The following PFN2 variants were observed in gnomAD, a reference collection of about 807,000 sequenced individuals.
PFN2 encodes profilin 2, also known as profilin-2.
PFN2 carries 8 observed loss-of-function variants against 15.3 expected under a neutral mutation model. The observed-to-expected ratio is 0.52, with a 90% CI of 0.31 to 0.95. The LOEUF (loss-of-function observed/expected upper bound fraction) is 0.95, where lower values mean the gene tolerates loss of function less well. PFN2 is among the 40% of genes least tolerant of loss of function. The pLI, the probability that PFN2 is intolerant of heterozygous loss-of-function variation, is 0.05. For synonymous variants in PFN2, 79 were observed against 67.9 expected (o/e 1.16, Z -0.81); for missense variants, 111 against 182.3 (o/e 0.61, Z 2.25).
intron 2 of PFN2, among the ~76,000 whole-genome samples, chr3:149,967,587 ACTCT>A (rs879261878): frequency 4.0e-4 from 61 of 152,260 alleles, no homozygotes; most frequent in African/African-American, 1.4e-3. Context: ...CTACAGAAGC[ACTCT>A]CTATTTACAA....
At chr3:149,966,846 G>GA (rs199588199) in intron 2 of PFN2, among the ~76,000 whole-genome samples, 271 of 138,632 alleles carry the variant, frequency 2.0e-3, no homozygotes, top group Middle Eastern at 7.6e-3. Flanking sequence ...ACTAGCTACA[G>GA]AAAAAAAAAA....
At position 149,966,341 on chromosome 3, in the gene PFN2, C is replaced by T. The variant is rs1722691837; in HGVS notation, c.*148G>A. On this transcript the variant is annotated 3_prime_UTR_variant, in exon 3 of 3. Coordinates refer to ENST00000239940, the MANE Select transcript of PFN2 (RefSeq NM_053024.4). ...GGAGGGCAGAAAGAAAGACACCTTT[C>T]CCCACCAACAGAGGGATACAAAGGA... The T allele has an allele frequency of 3.8e-6, 6 of 1,596,560 alleles. No individual in the cohort carries two copies. Among genetic ancestry groups the T allele is most frequent in the Middle Eastern group, 1.7e-4 (1 of 5,932 alleles).
At position 149,970,812 on chromosome 3, in the gene PFN2, G is replaced by A. The variant is rs763608984; in HGVS notation, c.45C>T (p.Gly15=). 33 of 1,511,922 alleles carry A rather than the reference G, an allele frequency of 2.2e-5. No homozygotes were observed. In the East Asian group the frequency reaches 7.2e-4, roughly 33 times the overall value. 93.7% of individuals were successfully genotyped at this position (1,511,922 alleles called of 1,614,324 possible). Residue 15 remains glycine (G), a synonymous_variant, in exon 1 of 3, where the codon GGC becomes GGT. Coordinates refer to ENST00000239940, the MANE Select transcript of PFN2 (RefSeq NM_053024.4). ...CGACAATGGCGGCCTCCTGGCAGCA[G>A]CCATCGCACATCAGGTTATCCACGT... is the stretch of plus-strand genomic sequence containing the variant. ...QSYVDNLMCD[G]CCQEAAIVGY...
intron 2 of PFN2, among the ~76,000 whole-genome samples, chr3:149,967,317 G>GT (rs1333329319): frequency 4.6e-5 from 7 of 152,138 alleles, no homozygotes; most frequent in African/African-American, 1.2e-4. Context: ...AAATATTCTG[G>GT]TTTTTTGTCT....
Position 149,965,209 on chromosome 3 carries a change from A to G in PFN2, c.*1280T>C, listed in dbSNP as rs1289592309. On this transcript the variant is annotated 3_prime_UTR_variant, in exon 3 of 3. Transcript: ENST00000239940. ...GTTCATTTTAACAATAGTATGGCAC[A>G]GAATACATATGAAAAAAATTCATCA... 1 of 1,527,168 alleles carries G rather than the reference A, an allele frequency of 6.5e-7. No individual in the cohort carries two copies. The highest frequency in any genetic ancestry group is 1.2e-5 in the South Asian group (1 of 82,756). The allele number at this position is 1,527,168 out of a possible 1,614,324, so 94.6% of individuals were successfully genotyped here.
Position 149,965,117 on chromosome 3 carries a change from C to A in PFN2, c.*1372G>T. ...CAATAGAAGCAAATACTAGAATGTC[C>A]CTAAAGTAGTGCCATTCGAAAGAAA... On this transcript the variant is annotated 3_prime_UTR_variant, in exon 3 of 3. Transcript: ENST00000239940. The A allele has an allele frequency of 1.2e-6, 1 of 828,274 alleles. No individual in the cohort carries two copies. The highest frequency in any genetic ancestry group is 1.8e-6 in the Non-Finnish European group (1 of 550,000). The allele number at this position is 828,274 out of a possible 1,614,324, so 51.3% of individuals were successfully genotyped here.
Position 149,966,546 on chromosome 3 carries a change from G to A in PFN2, c.366C>T (p.Gly122=), listed in dbSNP as rs771149768. 22 of 1,612,570 alleles carry A rather than the reference G, an allele frequency of 1.4e-5. No homozygotes were observed. The highest frequency in any genetic ancestry group is 1.6e-4 in the Middle Eastern group (1 of 6,080). The change falls in exon 3 of 3, where the codon GGC becomes GGT. Residue 122 remains glycine (G), a synonymous_variant. Coordinates refer to ENST00000239940, the MANE Select transcript of PFN2 (RefSeq NM_053024.4). ...TTGAGTATGCCTTCTTATTCAATCC[G>A]CCTCCATGGACCCCTTCTTTTCCCA... is the stretch of plus-strand genomic sequence containing the variant. ...FVMGKEGVHG[G]GLNKKAYSMA... is the part of the protein sequence containing the mutation.
At chr3:149,970,536 G>GCCCCGGGTGAGGGGGCGT (rs1443628774) in intron 1 of PFN2, 189 bp downstream of exon 1, 5 of 441,052 alleles carry the variant, frequency 1.1e-5, no homozygotes, top group African/African-American at 1.0e-4. Context: ...TGTCAGCGCA[G>GCCCCGGGTGAGGGGGCGT]CCCCGGGTGA....
Position 149,965,783 on chromosome 3 carries a change from G to A in PFN2, c.*706C>T, listed in dbSNP as rs1722669042. The A allele has an allele frequency of 9.4e-7, 1 of 1,058,248 alleles. No homozygotes were observed. The highest frequency in any genetic ancestry group is 1.1e-6 in the Non-Finnish European group (1 of 876,370). The allele number at this position is 1,058,248 out of a possible 1,614,324, so 65.6% of individuals were successfully genotyped here. ...TCCTCCCAACCATGCGCTACAAAAG[G>A]AAGACTAAATGAGCCAAGTAAATGC... On this transcript the variant is annotated 3_prime_UTR_variant, in exon 3 of 3. Transcript: ENST00000239940.
At chr3:149,968,802 T>C (rs1026630378) in intron 1 of PFN2, 8 of 430,006 alleles carry the variant, frequency 1.9e-5, no homozygotes, top group South Asian at 1.5e-4. Context: ...GACCAGTCTA[T>C]ACAAAGAAAC....
chr3:149,969,836 G>A (rs572707651), intron 1 of PFN2, among the ~76,000 whole-genome samples: 1 of 152,264 alleles, frequency 6.6e-6, no homozygotes, highest in African/African-American at 2.4e-5. Flanking sequence ...ATCAGGCAAT[G>A]TGAAGCATAA....
chr3:149,965,681 A>C lies in PFN2; in HGVS notation c.*808T>G. 1.4e-6 allele frequency: 1 copy of C among 715,150 alleles called. No individual in the cohort carries two copies. Among genetic ancestry groups the C allele is most frequent in the Non-Finnish European group, 1.7e-6 (1 of 594,790 alleles). The allele number at this position is 715,150 out of a possible 1,614,324, so 44.3% of individuals were successfully genotyped here. Reference sequence around the variant, plus strand: ...CAGGCACTGCATAAAAAAAGATGGAAGCAAACCAAATGCCTATGTGCGAAG... The same window carrying C: ...CAGGCACTGCATAAAAAAAGATGGACGCAAACCAAATGCCTATGTGCGAAG... On this transcript the variant is annotated 3_prime_UTR_variant, in exon 3 of 3. Transcript: ENST00000239940.
At chr3:149,969,857 G>C (rs1559987226) in intron 1 of PFN2, among the ~76,000 whole-genome samples, 1 of 152,136 alleles carries the variant, frequency 6.6e-6, no homozygotes, top group Non-Finnish European at 1.5e-5. Context: ...AACTGCATTA[G>C]TTCCTTTACT....
chr3:149,966,279 GAAACA>G lies in PFN2; in HGVS notation c.*205_*209del, dbSNP rs768549198. Reference sequence around the variant, plus strand: ...TATAACCAATGCTGGAGTACACAAGGAAACAAAACAAAAGTGAACAGAATTATTTT... The same window carrying G: ...TATAACCAATGCTGGAGTACACAAGGAAACAAAAGTGAACAGAATTATTTT... On this transcript the variant is annotated 3_prime_UTR_variant, in exon 3 of 3. Coordinates refer to ENST00000239940, the MANE Select transcript of PFN2 (RefSeq NM_053024.4). The G allele has an allele frequency of 3.7e-6, 6 of 1,610,166 alleles. No individual in the cohort carries two copies. The highest frequency in any genetic ancestry group is 2.7e-5 in the African/African-American group (2 of 74,644).
Position 149,965,638 on chromosome 3 carries a change from T to C in PFN2, c.*851A>G, listed in dbSNP as rs1722663509. Reference sequence around the variant, plus strand: ...AATAGCTCATCAACAAAAGGGATTTTAATTGGTTAAAAAAAAACAGGCACT... The same window carrying C: ...AATAGCTCATCAACAAAAGGGATTTCAATTGGTTAAAAAAAAACAGGCACT... On this transcript the variant is annotated 3_prime_UTR_variant, in exon 3 of 3. Coordinates refer to ENST00000239940, the MANE Select transcript of PFN2 (RefSeq NM_053024.4). 3.0e-6 allele frequency: 3 copies of C among 993,494 alleles called. No homozygotes were observed. Among genetic ancestry groups the C allele is most frequent in the Admixed American group, 1.4e-4 (2 of 14,264 alleles). The allele number at this position is 993,494 out of a possible 1,614,324, so 61.5% of individuals were successfully genotyped here. A position where few individuals can be genotyped will look rare whatever the true frequency, so the allele number is the denominator to read the frequency against.
chr3:149,967,037 T>C (rs1392088134), intron 2 of PFN2, among the ~76,000 whole-genome samples: 1 of 152,228 alleles, frequency 6.6e-6, no homozygotes, highest in Non-Finnish European at 1.5e-5. Context: ...TGAGGCTAAA[T>C]GTATCTATTA....
chr3:149,970,629 G>A (rs896636898), intron 1 of PFN2, 96 bp downstream of exon 1: 4 of 1,237,246 alleles, frequency 3.2e-6, no homozygotes, highest in Non-Finnish European at 4.2e-6. Context: ...CTGCGGGCTC[G>A]GCCCTCAGTG....
chr3:149,965,482 G>A lies in PFN2; in HGVS notation c.*1007C>T. On this transcript the variant is annotated 3_prime_UTR_variant, in exon 3 of 3. Transcript: ENST00000239940. Reference sequence around the variant, plus strand: ...ATTCAATCAGTATGGTTACTGTAAGGTCATGGGAGGAAGTGCTTTTTGCTC... The same window carrying A: ...ATTCAATCAGTATGGTTACTGTAAGATCATGGGAGGAAGTGCTTTTTGCTC... 7.1e-7 allele frequency: 1 copy of A among 1,417,130 alleles called. No individual in the cohort carries two copies. The highest frequency in any genetic ancestry group is 2.5e-5 in the East Asian group (1 of 39,512). 87.8% of individuals were successfully genotyped at this position (1,417,130 alleles called of 1,614,324 possible).
chr3:149,967,592 CTATT>C (rs944524947), intron 2 of PFN2, among the ~76,000 whole-genome samples: 28 of 152,044 alleles, frequency 1.8e-4, no homozygotes, highest in African/African-American at 5.6e-4. Flanking sequence ...GAAGCACTCT[CTATT>C]TACAAAATAT....
Sources: allele counts gnomAD v4.1 joint callset (sites outside exome capture counted in the v4.1 genomes callset), GRCh38; gene constraint gnomAD v4.1.1; transcripts MANE v1.5; gene names NCBI Gene and HGNC (gene_info 2026-07-23, HGNC 2026-07-21).